ENOX2: variants seen among roughly 807,000 people sequenced by gnomAD.
ENOX2 encodes the protein APK1 antigen.
In ENOX2, 36 loss-of-function variants were observed where a neutral mutation model predicts 45.0. The ratio of observed to expected loss-of-function variants is 0.80; its 90% CI spans 0.61 to 1.06. The LOEUF is 1.06. Among genes scored for constraint, ENOX2 ranks in the 50% least tolerant of loss-of-function variants. The pLI, the probability that ENOX2 is intolerant of heterozygous loss-of-function variation, is 0.00. For synonymous variants in ENOX2, 174 were observed against 152.3 expected (o/e 1.14, Z -1.05); for missense variants, 423 against 462.5 (o/e 0.91, Z 0.78).
intron 2 of ENOX2, among the ~76,000 whole-genome samples, chrX:130,827,846 G>A (rs1427575230): frequency 2.7e-5 from 3 of 111,339 alleles, no homozygotes; most frequent in Non-Finnish European, 5.7e-5. Flanking sequence ...GTAAGGGAGG[G>A]GCTTTCTAAA....
intron 13 of ENOX2, among the ~76,000 whole-genome samples, chrX:130,629,924 A>G (rs1049208310): frequency 8.9e-6 from 1 of 112,099 alleles, no homozygotes; most frequent in Non-Finnish European, 1.9e-5. Flanking sequence ...GTGAAGTGTA[A>G]TATGTTTTCT....
At chrX:130,847,633 A>G (rs1304289357) in intron 2 of ENOX2, among the ~76,000 whole-genome samples, 3 of 112,396 alleles carry the variant, frequency 2.7e-5, no homozygotes, top group African/African-American at 9.7e-5. Context: ...GTACATCAAC[A>G]GTATAAAACT....
chrX:130,901,460 C>T (rs1297881162), intron 2 of ENOX2, among the ~76,000 whole-genome samples: 3 of 112,582 alleles, frequency 2.7e-5, no homozygotes, highest in Non-Finnish European at 5.6e-5. Context: ...ATGACTAGGA[C>T]ATTATGTGGG....
chrX:130,719,343 T>C lies in ENOX2; in HGVS notation c.-38-16089A>G, dbSNP rs142690531. ...GAAATATTGATCATCTTTTTGAATA[T>C]AGAGTTAGGCTACCTGCTTAGGTGC... On this transcript the variant is annotated intron_variant, in intron 3 of 14. Coordinates refer to ENST00000394363, the MANE Select transcript of ENOX2 (RefSeq NM_006375.4). Among the ~76,000 whole-genome samples, 49 of 109,520 alleles carry C rather than the reference T, an allele frequency of 4.5e-4. No homozygotes were observed. The East Asian group carries it at 0.011, about 24-fold the overall frequency.
intron 3 of ENOX2, among the ~76,000 whole-genome samples, chrX:130,744,749 T>C (rs762508587): frequency 3.6e-5 from 4 of 111,642 alleles, no homozygotes; most frequent in Non-Finnish European, 7.5e-5. Context: ...CAACTTTCTG[T>C]CCATCACTGT....
intron 3 of ENOX2, among the ~76,000 whole-genome samples, chrX:130,711,945 G>A (rs1456758970): frequency 9.0e-6 from 1 of 111,322 alleles, no homozygotes; most frequent in Non-Finnish European, 1.9e-5. Flanking sequence ...AATTTGGTAT[G>A]TGCCTCTCCA....
At chrX:130,733,903 T>C (rs1322594234) in intron 3 of ENOX2, among the ~76,000 whole-genome samples, 1 of 112,259 alleles carries the variant, frequency 8.9e-6, no homozygotes, top group African/African-American at 3.2e-5. Context: ...AAAGGATATA[T>C]GGGACCTCTC....
At chrX:130,675,638 T>C (rs2037127146) in intron 6 of ENOX2, among the ~76,000 whole-genome samples, 1 of 111,948 alleles carries the variant, frequency 8.9e-6, no homozygotes, top group South Asian at 3.8e-4. Flanking sequence ...AGGAAGAGCA[T>C]ACACAATGTG....
intron 2 of ENOX2, among the ~76,000 whole-genome samples, chrX:130,787,929 A>G (rs1419070726): frequency 2.7e-5 from 3 of 111,726 alleles, no homozygotes; most frequent in African/African-American, 6.5e-5. Context: ...CCAATACCCA[A>G]TACAGTCTCC....
intron 4 of ENOX2, among the ~76,000 whole-genome samples, chrX:130,702,700 G>A (rs777691109): frequency 5.4e-5 from 6 of 111,617 alleles, no homozygotes; most frequent in Non-Finnish European, 9.4e-5. Context: ...GTTAAAAAGA[G>A]TCTTTGGGCT....
chrX:130,715,975 C>T (rs774126028), intron 3 of ENOX2, among the ~76,000 whole-genome samples: 21 of 111,531 alleles, frequency 1.9e-4, no homozygotes, highest in African/African-American at 6.8e-4. Flanking sequence ...TGGGCATTAC[C>T]TCTGATATCT....
intron 2 of ENOX2, among the ~76,000 whole-genome samples, chrX:130,891,832 A>C (rs1160573509): frequency 8.9e-6 from 1 of 112,002 alleles, no homozygotes; most frequent in Non-Finnish European, 1.9e-5. Flanking sequence ...AAAACAGTGA[A>C]AGTAAATTTA....
At chrX:130,665,541 G>T in intron 9 of ENOX2, 102 bp downstream of exon 9, 1 of 561,457 alleles carries the variant, frequency 1.8e-6, no homozygotes, top group Non-Finnish European at 3.0e-6. Context: ...TTGTGACCAT[G>T]GGAGCTTGGC....
chrX:130,721,898 A>G (rs781561972), intron 3 of ENOX2, among the ~76,000 whole-genome samples: 62 of 112,382 alleles, frequency 5.5e-4, no homozygotes, highest in African/African-American at 1.9e-3. Context: ...AATTATGCCT[A>G]AAGGAACTAT....
chrX:130,784,388 C>A (rs1158961769), intron 2 of ENOX2, among the ~76,000 whole-genome samples: 1 of 111,116 alleles, frequency 9.0e-6, no homozygotes, highest in East Asian at 2.8e-4. Flanking sequence ...CAATCAGGGG[C>A]AAGCAGAGAC....
At chrX:130,744,933 T>C (rs1266379224) in intron 3 of ENOX2, among the ~76,000 whole-genome samples, 2 of 111,059 alleles carry the variant, frequency 1.8e-5, no homozygotes, top group Non-Finnish European at 3.8e-5. Flanking sequence ...GCGAACCCTA[T>C]TGTGAATTGT....
intron 3 of ENOX2, among the ~76,000 whole-genome samples, chrX:130,780,268 C>T (rs1351518653): frequency 8.9e-6 from 1 of 111,938 alleles, no homozygotes; most frequent in African/African-American, 3.2e-5. Context: ...CTATTTATTT[C>T]CACATAAACA....
intron 2 of ENOX2, among the ~76,000 whole-genome samples, chrX:130,885,417 A>G (rs2078883953): frequency 8.9e-6 from 1 of 111,984 alleles, no homozygotes; most frequent in African/African-American, 3.2e-5. Context: ...CTGACCTCAC[A>G]CTTACTGAGA....
chrX:130,750,859 CTT>C (rs931830986), intron 3 of ENOX2, among the ~76,000 whole-genome samples: 4 of 111,422 alleles, frequency 3.6e-5, no homozygotes, highest in African/African-American at 3.3e-5. Flanking sequence ...TGTTCTGTCT[CTT>C]TGTCTCCCTG....
Sources: gnomAD v4.1 joint callset for allele counts (sites outside exome capture counted in the v4.1 genomes callset) on GRCh38, gnomAD v4.1.1 for gene constraint, MANE v1.5 for transcripts, NCBI Gene and HGNC (gene_info 2026-07-23, HGNC 2026-07-21) for gene names.